The following PRP4K variants were observed in gnomAD, a reference collection of about 807,000 sequenced individuals.
PRP4K encodes the protein pre-mRNA processing factor kinase PRP4K, also known as serine/threonine-protein kinase PRP4 homolog.
At chr6:4,054,543 T>G in the PRP4K span, among the ~76,000 whole-genome samples, 42 of 152,296 alleles carry the variant, frequency 2.8e-4, no homozygotes, top group East Asian at 6.0e-3. Flanking sequence ...AGCCTTGCCC[T>G]GTTACCAGGC....
At chr6:4,031,727 A>G in the PRP4K span, 1 of 1,602,612 alleles carries the variant, frequency 6.2e-7, no homozygotes, top group Non-Finnish European at 8.5e-7. Flanking sequence ...AAAAACATAA[A>G]CATAAGCATA....
chr6:4,037,093 C>T, the PRP4K span, among the ~76,000 whole-genome samples: 1 of 151,630 alleles, frequency 6.6e-6, no homozygotes, highest in Non-Finnish European at 1.5e-5. Context: ...GTATTATACT[C>T]ACTTGGGGAG....
At chr6:4,033,632 G>T in the PRP4K span, among the ~76,000 whole-genome samples, 1 of 152,014 alleles carries the variant, frequency 6.6e-6, no homozygotes, top group Non-Finnish European at 1.5e-5. Context: ...AAGAGTATTG[G>T]CTTATACTAT....
the PRP4K span, among the ~76,000 whole-genome samples, chr6:4,045,241 G>A: frequency 2.0e-5 from 3 of 152,094 alleles, no homozygotes; most frequent in African/African-American, 7.2e-5. Flanking sequence ...ATTTTCACTT[G>A]CCACAAAGTA....
At chr6:4,040,799 C>T in the PRP4K span, 1 of 1,613,976 alleles carries the variant, frequency 6.2e-7, no homozygotes, top group Non-Finnish European at 8.5e-7. Context: ...GCAGATCACG[C>T]TTGCGAAGGC....
chr6:4,035,889 C>G, the PRP4K span, among the ~76,000 whole-genome samples: 1 of 151,906 alleles, frequency 6.6e-6, no homozygotes, highest in African/African-American at 2.4e-5. Context: ...CTCTTGAAGC[C>G]GGGAGACAGA....
the PRP4K span, among the ~76,000 whole-genome samples, chr6:4,038,885 C>T: frequency 6.7e-6 from 1 of 149,862 alleles, no homozygotes; most frequent in South Asian, 2.1e-4. Flanking sequence ...CCCTTTAAAG[C>T]AGGGAGTTTA....
chr6:4,040,050 A>G, the PRP4K span, among the ~76,000 whole-genome samples: 28 of 151,654 alleles, frequency 1.8e-4, no homozygotes, highest in Admixed American at 1.8e-3. Context: ...CACCCAGCTA[A>G]TTTTTTTGTA....
the PRP4K span, chr6:4,040,940 C>G: frequency 1.3e-6 from 2 of 1,598,480 alleles, no homozygotes; most frequent in Admixed American, 1.8e-5. Flanking sequence ...AAGAATAGAA[C>G]TTACCCATAA....
chr6:4,053,656 G>A, the PRP4K span, among the ~76,000 whole-genome samples: 6 of 152,086 alleles, frequency 3.9e-5, no homozygotes, highest in Admixed American at 1.3e-4. Context: ...TCCCCTCCCT[G>A]GCCCCATTAC....
chr6:4,064,815 C>T, the PRP4K span: 1 of 152,584 alleles, frequency 6.6e-6, no homozygotes, highest in Non-Finnish European at 1.5e-5. Flanking sequence ...AGGGACTGTT[C>T]TGAAGAACCT....
At chr6:4,041,624 C>T in the PRP4K span, among the ~76,000 whole-genome samples, 1 of 152,148 alleles carries the variant, frequency 6.6e-6, no homozygotes, top group Non-Finnish European at 1.5e-5. Context: ...TGGGACAAAT[C>T]TAGAGCCATT....
the PRP4K span, chr6:4,040,748 A>T: frequency 6.2e-7 from 1 of 1,607,360 alleles, no homozygotes; most frequent in Non-Finnish European, 8.5e-7. Context: ...AAAAATGTAT[A>T]CCTGTCTTTT....
chr6:4,055,526 C>T, the PRP4K span, among the ~76,000 whole-genome samples: 4 of 152,076 alleles, frequency 2.6e-5, no homozygotes, highest in Admixed American at 2.6e-4. Context: ...AGTCCCAACT[C>T]GGAATTTGTG....
the PRP4K span, among the ~76,000 whole-genome samples, chr6:4,048,237 G>C: frequency 3.3e-5 from 5 of 152,150 alleles, no homozygotes; most frequent in African/African-American, 1.2e-4. Context: ...AAATAAGCCG[G>C]ACGTGGTGGC....
the PRP4K span, among the ~76,000 whole-genome samples, chr6:4,038,223 G>T: frequency 1.3e-5 from 2 of 152,050 alleles, no homozygotes; most frequent in African/African-American, 4.8e-5. Flanking sequence ...CAGAATTTTT[G>T]TATGCTGTAT....
chr6:4,023,290 C>G, the PRP4K span, among the ~76,000 whole-genome samples: 1 of 152,178 alleles, frequency 6.6e-6, no homozygotes, highest in Non-Finnish European at 1.5e-5. Context: ...TAAGAAGCAG[C>G]TTTTAAGCTC....
chr6:4,037,540 CAAG>C, the PRP4K span: 32 of 1,613,678 alleles, frequency 2.0e-5, no homozygotes, highest in East Asian at 4.5e-5. Context: ...AGCAGGTCTC[CAAG>C]AAGAAGAAGC....
chr6:4,059,173 C>G, the PRP4K span, among the ~76,000 whole-genome samples: 2 of 152,094 alleles, frequency 1.3e-5, no homozygotes, highest in Non-Finnish European at 2.9e-5. Flanking sequence ...TTGTTGGCTC[C>G]CTGTTACCTA....
Sources: allele counts gnomAD v4.1 joint callset (sites outside exome capture counted in the v4.1 genomes callset), GRCh38; gene constraint gnomAD v4.1.1; transcripts MANE v1.5; gene names NCBI Gene and HGNC (gene_info 2026-07-23, HGNC 2026-07-21).